Variants in LINGO1 observed in about 807,000 individuals in gnomAD.
LINGO1 encodes leucine rich repeat and Ig domain containing 1, also known as leucine-rich repeat and immunoglobulin-like domain-containing nogo receptor-interacting protein 1.
LINGO1 carries 11 observed loss-of-function variants against 37.3 expected under a neutral mutation model. That is an observed-to-expected ratio of 0.29 (90% CI 0.19 to 0.49). LINGO1 has a LOEUF of 0.49. Ranked by LOEUF, LINGO1 falls within the 20% of genes least tolerant of loss-of-function variation. The pLI is 0.99. For synonymous variants in LINGO1, 387 were observed against 403.0 expected, an observed-to-expected ratio of 0.96 and a Z score of 0.48; for missense variants, 585 against 878.2, an observed-to-expected ratio of 0.67 and a Z score of 4.22.
intron 2 of LINGO1, among the ~76,000 whole-genome samples, chr15:77,713,845 C>A (rs2075951232): frequency 1.3e-5 from 2 of 152,066 alleles, no homozygotes; most frequent in African/African-American, 4.8e-5. Context: ...TTTCCTCGCA[C>A]CCCCTAGGTG....
intron 3 of LINGO1, among the ~76,000 whole-genome samples, chr15:77,640,429 G>A (rs942028244): frequency 2.6e-5 from 4 of 152,198 alleles, no homozygotes; most frequent in African/African-American, 9.7e-5. Context: ...GATATTACTT[G>A]AGCACCTCTG....
chr15:77,749,092 G>C (rs1247180443), intron 1 of LINGO1, among the ~76,000 whole-genome samples: 1 of 151,746 alleles, frequency 6.6e-6, no homozygotes, highest in Non-Finnish European at 1.5e-5. Context: ...ATTTTTAGTA[G>C]AGACGGGGTT....
At chr15:77,663,016 C>T (rs1487531880) in intron 3 of LINGO1, among the ~76,000 whole-genome samples, 1 of 152,174 alleles carries the variant, frequency 6.6e-6, no homozygotes. Flanking sequence ...GTGGGGATGC[C>T]GGGGGTCACC....
chr15:77,808,147 AC>A (rs2141474376), intron 1 of LINGO1, among the ~76,000 whole-genome samples: 1 of 151,838 alleles, frequency 6.6e-6, no homozygotes, highest in Non-Finnish European at 1.5e-5. Flanking sequence ...CATTCTGTAA[AC>A]CTCAGACCTG....
In LINGO1 at chr15:77,614,065, C is replaced by T. The variant is rs1293450510; in HGVS notation, c.1842G>A (p.Lys614=). ...GGCCTCATATCATCTTCATGTTGAA[C>T]TTGCGGGGCGCGTCGGCGGAGCTGA... The part of the protein sequence containing the change: ...AGISSADAPR[K]FNMKMI Residue 614 remains lysine, a synonymous_variant, in exon 2 of 2, where the codon AAG becomes AAA. Transcript: ENST00000355300. 1 of 1,598,480 alleles carries T rather than the reference C, an allele frequency of 6.3e-7. No individual in the cohort carries two copies. The highest frequency in any genetic ancestry group is 2.3e-5 in the East Asian group (1 of 44,084).
rs1567577575 is a variant in LINGO1, at chr15:77,776,487, A to AGGG, written c.-257+10381_-257+10382insCCC. On this transcript the variant is annotated intron_variant, in intron 1 of 3. Coordinates refer to the LINGO1 transcript ENST00000561686. ...AAGGCAGGAAGGCAGGAAGGCAGGA[A>AGGG]AGCAGGAAGGCAGGAAGGCAGGAAG... 3.7e-3 allele frequency among the ~76,000 whole-genome samples: 478 copies of AGGG among 129,096 alleles called. 3 individuals carry two copies. The highest frequency in any genetic ancestry group is 5.4e-3 in the Non-Finnish European group (332 of 61,798). The allele number at this position is 129,096 out of a possible 152,430, so 84.7% of individuals were successfully genotyped here. A position where few individuals can be genotyped will look rare whatever the true frequency, so the allele number is the denominator to read the frequency against.
At chr15:77,730,801 G>C (rs1444963410) in intron 2 of LINGO1, among the ~76,000 whole-genome samples, 3 of 152,242 alleles carry the variant, frequency 2.0e-5, no homozygotes, top group African/African-American at 7.2e-5. Context: ...AGGTTAGACT[G>C]AGGGGAGGTG....
At chr15:77,819,077 C>T (rs1406682320) in intron 1 of LINGO1, among the ~76,000 whole-genome samples, 1 of 151,162 alleles carries the variant, frequency 6.6e-6, no homozygotes, top group Non-Finnish European at 1.5e-5. Flanking sequence ...GCCGAGCACG[C>T]CCCCTCCCAG....
intron 1 of LINGO1, among the ~76,000 whole-genome samples, chr15:77,818,641 G>C (rs2077068298): frequency 6.6e-6 from 1 of 152,144 alleles, no homozygotes; most frequent in Admixed American, 6.5e-5. Context: ...ACACGCCCGG[G>C]CACGTCGCCG....
intron 2 of LINGO1, among the ~76,000 whole-genome samples, chr15:77,725,316 G>A (rs770576390): frequency 3.1e-4 from 47 of 152,316 alleles, no homozygotes; most frequent in Non-Finnish European, 5.4e-4. Flanking sequence ...AACACTTCAG[G>A]AGGCCAAGGC....
At chr15:77,631,062 A>G (rs1284832131) in intron 1 of LINGO1, among the ~76,000 whole-genome samples, 1 of 151,950 alleles carries the variant, frequency 6.6e-6, no homozygotes, top group African/African-American at 2.4e-5. Flanking sequence ...CCTCACTGAC[A>G]CTCTGCGCTG....
intron 3 of LINGO1, among the ~76,000 whole-genome samples, chr15:77,646,056 G>A (rs568381898): frequency 6.6e-6 from 1 of 152,248 alleles, no homozygotes; most frequent in Non-Finnish European, 1.5e-5. Context: ...GGGAGTGGGC[G>A]AGATAAAAGG....
chr15:77,718,014 C>A lies in LINGO1; in HGVS notation c.-195+16978G>T, dbSNP rs74538781. Among the ~76,000 whole-genome samples the A allele has an allele frequency of 4.7e-3, 707 of 150,974 alleles. 17 individuals are homozygous for A. The highest frequency in any genetic ancestry group is 0.016 in the African/African-American group (679 of 41,484). ...GGCTGGAGGCCCAGGGAGCTGGGAG[C>A]AGGGCCGAGGCCTGCCCAGAAGCTG... On this transcript the variant is annotated intron_variant, in intron 2 of 3. Coordinates refer to the LINGO1 transcript ENST00000561686.
At chr15:77,636,231 G>GTAA (rs201968333), upstream of LINGO1, among the ~76,000 whole-genome samples, 1,571 of 152,182 alleles carry the variant, frequency 0.01, 12 homozygotes, top group Middle Eastern at 0.017. Flanking sequence ...TGGAGCTGGG[G>GTAA]CAAGGACCAA....
At chr15:77,656,691 A>T (rs1037091228) in intron 3 of LINGO1, among the ~76,000 whole-genome samples, 7 of 151,720 alleles carry the variant, frequency 4.6e-5, no homozygotes, top group African/African-American at 1.7e-4. Context: ...CAGGATGCAG[A>T]TATGTGGGGT....
intron 1 of LINGO1, among the ~76,000 whole-genome samples, chr15:77,743,441 G>A (rs1258169654): frequency 6.6e-6 from 1 of 152,122 alleles, no homozygotes; most frequent in Non-Finnish European, 1.5e-5. Context: ...CAGAGCCCAG[G>A]CTTCCTGGCC....
At chr15:77,760,916 CTTTTTTT>C (rs34524098) in intron 1 of LINGO1, among the ~76,000 whole-genome samples, 40 of 96,422 alleles carry the variant, frequency 4.1e-4, no homozygotes, top group South Asian at 7.0e-4. Flanking sequence ...TAATAAGTAT[CTTTTTTT>C]TTTTTTTTTT....
At chr15:77,634,247 T>A (rs1303039432), upstream of LINGO1, 1 of 456,060 alleles carries the variant, frequency 2.2e-6, no homozygotes, top group East Asian at 7.0e-5. Context: ...CTGTTCAGCC[T>A]CACACACAGC....
At chr15:77,790,274 A>G, upstream of LINGO1, among the ~76,000 whole-genome samples, 1 of 152,150 alleles carries the variant, frequency 6.6e-6, no homozygotes, top group Non-Finnish European at 1.5e-5. Context: ...AGTTTGTTCA[A>G]CTTATCCCCA....
Sources: allele counts gnomAD v4.1 joint callset (sites outside exome capture counted in the v4.1 genomes callset), GRCh38; gene constraint gnomAD v4.1.1; transcripts MANE v1.5; gene names NCBI Gene and HGNC (gene_info 2026-07-23, HGNC 2026-07-21).